Variants in EHBP1L1 observed in about 807,000 individuals in gnomAD.
EHBP1L1 encodes EH domain binding protein 1 like 1.
In EHBP1L1, 122 loss-of-function variants were observed where a neutral mutation model predicts 151.1. The observed-to-expected ratio is 0.81, with a 90% CI of 0.70 to 0.94. The LOEUF is 0.94. Ranked by LOEUF, EHBP1L1 falls within the 40% of genes least tolerant of loss-of-function variation. EHBP1L1 has a pLI of 0.00. For missense variants in EHBP1L1, 1,941 were observed against 1,959.8 expected (o/e 0.99, Z 0.18); for synonymous variants, 878 against 810.1 (o/e 1.08, Z -1.42).
Position 65,592,183 on chromosome 11 carries a change from C to G in EHBP1L1, c.4473-20C>G, listed in dbSNP as rs779637325. On this transcript the variant is annotated intron_variant, in intron 18 of 18. Transcript: ENST00000309295. ...TGGACCCCGCCCAACGGAGCGCTGACTCGAACCCGTTCTCCCCAGCGCCCT... is the reference window on the plus strand; with the variant it reads ...TGGACCCCGCCCAACGGAGCGCTGAGTCGAACCCGTTCTCCCCAGCGCCCT... 1.3e-6 allele frequency: 2 copies of G among 1,587,372 alleles called. No homozygotes were observed. Among genetic ancestry groups the G allele is most frequent in the African/African-American group, 1.3e-5 (1 of 74,512 alleles).
At position 65,582,753 on chromosome 11, in the gene EHBP1L1, T is replaced by C. The variant is rs1857694046; in HGVS notation, c.2081T>C (p.Ile694Thr). The C allele has an allele frequency of 5.6e-6, 9 of 1,613,386 alleles. No individual in the cohort carries two copies. The highest frequency in any genetic ancestry group is 7.6e-6 in the Non-Finnish European group (9 of 1,179,792). ...DLGPLKIEDTIQSEMLGTQET... is the reference protein window; with the variant it reads ...DLGPLKIEDTTQSEMLGTQET... ...GGGCCACTGAAGATAGAAGATACAATACAGTCTGAGATGCTGGGGACCCAG... is the reference window on the plus strand; with the variant it reads ...GGGCCACTGAAGATAGAAGATACAACACAGTCTGAGATGCTGGGGACCCAG... The change falls in exon 9 of 19, where the codon ATA (isoleucine) becomes ACA (threonine). Residue 694 changes from isoleucine (I) to threonine (T), a missense_variant. Physicochemically the swap from Ile to Thr is moderately conservative, Grantham distance 89. Transcript: ENST00000309295.
Position 65,580,252 on chromosome 11 carries a change from C to T in EHBP1L1, c.484C>T (p.Arg162Cys), listed in dbSNP as rs765378890. ...TTCCGGGGTGCTGCTGCGGGAGGGC[C>T]GTGCCACGTGAGTGCCTACCTGCCC... ...TLSGVLLREG[R>C]ATDDDMQSLA... The change falls in exon 5 of 19, where the codon CGT becomes TGT. Residue 162 changes from arginine to cysteine, a missense_variant. Arg to Cys is a radical substitution (Grantham distance 180, BLOSUM62 -3). Transcript: ENST00000309295. The T allele has an allele frequency of 5.6e-6, 9 of 1,613,216 alleles. No homozygotes were observed. The highest frequency in any genetic ancestry group is 2.2e-5 in the East Asian group (1 of 44,890).
chr11:65,578,946 T>C, intron 1 of EHBP1L1, 132 bp from the exon 2 acceptor site: 1 of 885,224 alleles, frequency 1.1e-6, no homozygotes, highest in Non-Finnish European at 1.7e-6. Flanking sequence ...CCAGGCCCTC[T>C]TCTGGAGGAG....
chr11:65,591,755 C>A (rs973231444), intron 16 of EHBP1L1, 45 bp from the exon 17 acceptor site: 1 of 1,464,670 alleles, frequency 6.8e-7, no homozygotes, highest in Non-Finnish European at 9.3e-7. Context: ...CGCCCCTTTT[C>A]CTGAACTGCC....
Position 65,582,239 on chromosome 11 carries a change from C to A in EHBP1L1, c.1567C>A (p.Leu523Met). 2 of 1,528,516 alleles carry A rather than the reference C, an allele frequency of 1.3e-6. No individual in the cohort carries two copies. The highest frequency in any genetic ancestry group is 2.6e-5 in the South Asian group (2 of 76,376). 94.7% of individuals were successfully genotyped at this position (1,528,516 alleles called of 1,614,324 possible). The change falls in exon 9 of 19, where the codon CTG becomes ATG. Residue 523 changes from leucine to methionine, a missense_variant. Coordinates refer to ENST00000309295, the MANE Select transcript of EHBP1L1 (RefSeq NM_001099409.3). ...GGAPGIEGTG[L>M]EQGPSVGAIS... ...AGCACCTGGTATTGAGGGGACAGGC[C>A]TGGAGCAGGGCCCTTCTGTTGGAGC...
At chr11:65,587,228 C>G (rs969689253) in intron 12 of EHBP1L1, among the ~76,000 whole-genome samples, 5 of 152,288 alleles carry the variant, frequency 3.3e-5, no homozygotes, top group Non-Finnish European at 7.4e-5. Context: ...AAAAAATTAG[C>G]CGGGCATGGT....
chr11:65,579,075 C>T lies in EHBP1L1; in HGVS notation c.105-3C>T, dbSNP rs757921759. On this transcript the variant is annotated splice_polypyrimidine_tract_variant and splice_region_variant and intron_variant, in intron 1 of 18. Coordinates refer to ENST00000309295, the MANE Select transcript of EHBP1L1 (RefSeq NM_001099409.3). ...TTTCTCCCTCCCCTTCCCCCTCCCC[C>T]AGGCAGCCAGATAAGCTGGTGGTGG... is the stretch of plus-strand genomic sequence containing the variant. 1.3e-6 allele frequency: 2 copies of T among 1,582,450 alleles called. No homozygotes were observed. Among genetic ancestry groups the T allele is most frequent in the South Asian group, 1.2e-5 (1 of 86,252 alleles).
chr11:65,577,238 C>A (rs955142845), intron 1 of EHBP1L1, among the ~76,000 whole-genome samples: 1 of 151,794 alleles, frequency 6.6e-6, no homozygotes, highest in Non-Finnish European at 1.5e-5. Context: ...GGGCCTCACC[C>A]GCCAGGCGGG....
chr11:65,579,268 A>G, intron 2 of EHBP1L1, 73 bp from the exon 3 acceptor site: 2 of 1,485,340 alleles, frequency 1.3e-6, no homozygotes, highest in African/African-American at 2.8e-5. Context: ...AGATGGTGTC[A>G]AGGTTGGTGA....
chr11:65,580,054 TCTC>T (rs1273863345), intron 4 of EHBP1L1, 24 bp from the exon 5 acceptor site: 2 of 1,612,264 alleles, frequency 1.2e-6, no homozygotes, highest in African/African-American at 1.3e-5. Flanking sequence ...TGATGCCCCT[TCTC>T]CTGGTCTCTC....
At chr11:65,576,484 GC>G (rs1187078627) in intron 1 of EHBP1L1, 78 bp downstream of exon 1, 42 of 1,316,200 alleles carry the variant, frequency 3.2e-5, no homozygotes, top group East Asian at 5.7e-5. Context: ...AGAGGACTCT[GC>G]CCCCCCAGCC....
chr11:65,586,227 T>C (rs1285058951), intron 12 of EHBP1L1, among the ~76,000 whole-genome samples: 1 of 152,238 alleles, frequency 6.6e-6, no homozygotes, highest in Non-Finnish European at 1.5e-5. Flanking sequence ...CTATGGGTTG[T>C]AGGTCATCTC....
In EHBP1L1 at chr11:65,581,447, C is replaced by A. The variant is rs189881605; in HGVS notation, c.866+74C>A. ...GCAGTCCTCACCCCCACCAACCTGC[C>A]TCCAGGGCCCCAACAGTCTGAAGGG... On this transcript the variant is annotated intron_variant, in intron 8 of 18. Coordinates refer to ENST00000309295, the MANE Select transcript of EHBP1L1 (RefSeq NM_001099409.3). The A allele has an allele frequency of 1.3e-5, 18 of 1,435,288 alleles. No homozygotes were observed. In the African/African-American group the frequency reaches 2.3e-4, roughly 18 times the overall value. 88.9% of individuals were successfully genotyped at this position (1,435,288 alleles called of 1,614,324 possible).
chr11:65,586,198 G>A (rs774277292), intron 12 of EHBP1L1, among the ~76,000 whole-genome samples: 4 of 152,218 alleles, frequency 2.6e-5, no homozygotes, highest in African/African-American at 9.7e-5. Context: ...GTGAGGGCCC[G>A]TGTCCCTGCT....
intron 12 of EHBP1L1, among the ~76,000 whole-genome samples, chr11:65,588,358 G>A (rs1221644910): frequency 1.3e-5 from 2 of 152,164 alleles, no homozygotes; most frequent in Non-Finnish European, 2.9e-5. Flanking sequence ...GAACATTGAG[G>A]CTGGGGCCGC....
At chr11:65,579,569 GC>G in intron 3 of EHBP1L1, 133 bp downstream of exon 3, 1 of 697,560 alleles carries the variant, frequency 1.4e-6, no homozygotes, top group Non-Finnish European at 2.3e-6. Context: ...AATTAGGGGG[GC>G]CTGCTCAGCA....
At chr11:65,577,925 G>T (rs2135222712) in intron 1 of EHBP1L1, among the ~76,000 whole-genome samples, 1 of 152,294 alleles carries the variant, frequency 6.6e-6, no homozygotes, top group African/African-American at 2.4e-5. Context: ...TCACGAGAGG[G>T]TGCAGGCATG....
In EHBP1L1 at chr11:65,582,422, A is replaced by G; in HGVS notation, c.1750A>G (p.Thr584Ala). Residue 584 changes from threonine (T) to alanine (A), a missense_variant, in exon 9 of 19, where the codon ACC (threonine) becomes GCC (alanine). Physicochemically the swap from Thr to Ala is moderately conservative, Grantham distance 58. Coordinates refer to ENST00000309295, the MANE Select transcript of EHBP1L1 (RefSeq NM_001099409.3). ...TEVVGLEVLGTQEKEVEGSGF... is the reference protein window; with the variant it reads ...TEVVGLEVLGAQEKEVEGSGF... ...GGTGGTAGGGTTGGAGGTGCTGGGA[A>G]CCCAGGAGAAAGAAGTTGAGGGGTC... The G allele has an allele frequency of 6.2e-7, 1 of 1,611,546 alleles. No homozygotes were observed. Among genetic ancestry groups the G allele is most frequent in the East Asian group, 2.2e-5 (1 of 44,872 alleles).
rs557490080 is a variant in EHBP1L1 at position 65,577,691 on chromosome 11, C to T, written c.104+1285C>T. ...CTGCCCTCCCTAGGCACCCCCTGTC[C>T]GCTTCCCCTTTCTGGGAAGGCCCCT... On this transcript the variant is annotated intron_variant, in intron 1 of 18. Coordinates refer to ENST00000309295, the MANE Select transcript of EHBP1L1 (RefSeq NM_001099409.3). Among the ~76,000 whole-genome samples, 10 of 152,306 alleles carry T rather than the reference C, an allele frequency of 6.6e-5. No homozygotes were observed. The South Asian group carries it at 8.3e-4, about 13-fold the overall frequency.
Sources: gnomAD v4.1 joint callset for allele counts (sites outside exome capture counted in the v4.1 genomes callset) on GRCh38, gnomAD v4.1.1 for gene constraint, MANE v1.5 for transcripts, NCBI Gene and HGNC (gene_info 2026-07-23, HGNC 2026-07-21) for gene names.